Variants in PDGFRL observed in about 807,000 individuals in gnomAD.
PDGFRL encodes platelet derived growth factor receptor like.
In PDGFRL, 46 loss-of-function variants were observed where a neutral mutation model predicts 37.2. The observed-to-expected ratio is 1.24, with a 90% CI of 0.98 to 1.58. PDGFRL has a LOEUF of 1.58. PDGFRL is among the 40% of genes most tolerant of loss of function. The probability of loss-of-function intolerance (pLI) is 0.00; values close to 1 mark genes in which losing one functional copy is unlikely to be tolerated. For synonymous variants in PDGFRL, 251 were observed against 184.3 expected, an observed-to-expected ratio of 1.36 and a Z score of -2.93; for missense variants, 692 against 467.6, an observed-to-expected ratio of 1.48 and a Z score of -4.43.
At chr8:17,642,402 T>C (rs1229135096) in intron 5 of PDGFRL, among the ~76,000 whole-genome samples, 1 of 152,220 alleles carries the variant, frequency 6.6e-6, no homozygotes, top group East Asian at 1.9e-4. Context: ...CCAAACAACG[T>C]AATGAAATTC....
intron 4 of PDGFRL, among the ~76,000 whole-genome samples, chr8:17,633,839 G>A (rs1563530181): frequency 6.6e-6 from 1 of 152,060 alleles, no homozygotes; most frequent in Non-Finnish European, 1.5e-5. Context: ...TCACAGTCTT[G>A]GAGGCTGTCC....
intron 2 of PDGFRL, among the ~76,000 whole-genome samples, chr8:17,615,397 C>A (rs1804502435): frequency 6.6e-6 from 1 of 152,082 alleles, no homozygotes; most frequent in Admixed American, 6.6e-5. Context: ...TGCTTCATTT[C>A]ATTTCATTTC....
At chr8:17,623,923 T>C (rs1273092667) in intron 3 of PDGFRL, among the ~76,000 whole-genome samples, 2 of 151,362 alleles carry the variant, frequency 1.3e-5, no homozygotes, top group Non-Finnish European at 2.9e-5. Context: ...GGAACCTTTT[T>C]GTTTTTTTTT....
intron 2 of PDGFRL, among the ~76,000 whole-genome samples, chr8:17,592,717 G>C (rs28441421): frequency 2.6e-5 from 4 of 151,890 alleles, no homozygotes; most frequent in African/African-American, 9.7e-5. Flanking sequence ...CCCATGGCAG[G>C]CCCCCCCAGC....
chr8:17,596,107 TTACCCTTGCTGGG>T (rs3837209), intron 2 of PDGFRL, among the ~76,000 whole-genome samples: 66 of 151,882 alleles, frequency 4.3e-4, no homozygotes, highest in Middle Eastern at 6.8e-3. Flanking sequence ...AGCCCCAGAG[TTACCCTTGCTGGG>T]TACCCTTGCT....
rs561562223 is a variant in PDGFRL, at chr8:17,613,850, C to A, written c.354-7201C>A. Among the ~76,000 whole-genome samples the A allele has an allele frequency of 1.5e-4, 23 of 152,142 alleles. No homozygotes were observed. In the East Asian group the frequency reaches 4.4e-3, roughly 29 times the overall value. ...CTCCAGCCTGGGTAACAGAGTGAGACCCCATCTCAAAAAAGAAAAGCTACC... is the reference window on the plus strand; with the variant it reads ...CTCCAGCCTGGGTAACAGAGTGAGAACCCATCTCAAAAAAGAAAAGCTACC... On this transcript the variant is annotated intron_variant, in intron 2 of 5. Transcript: ENST00000251630.
chr8:17,610,816 C>T (rs1456403650), intron 2 of PDGFRL, among the ~76,000 whole-genome samples: 4 of 152,034 alleles, frequency 2.6e-5, no homozygotes, highest in Admixed American at 6.6e-5. Flanking sequence ...GAGGCTGAGG[C>T]GGGAGATTCC....
At chr8:17,642,485 T>C in intron 5 of PDGFRL, 128 bp from the exon 6 acceptor site, 1 of 667,814 alleles carries the variant, frequency 1.5e-6, no homozygotes, top group South Asian at 1.7e-5. Flanking sequence ...GAGCTACGCA[T>C]ACTAAACAGT....
At chr8:17,616,361 AT>A (rs1804528309) in intron 2 of PDGFRL, among the ~76,000 whole-genome samples, 2 of 151,790 alleles carry the variant, frequency 1.3e-5, no homozygotes, top group South Asian at 4.2e-4. Flanking sequence ...CGCCCAGCTA[AT>A]TTTTGTATTT....
At chr8:17,638,838 G>C (rs9644587) in intron 5 of PDGFRL, among the ~76,000 whole-genome samples, 111,022 of 136,622 alleles carry the variant, frequency 0.81, 46,528 homozygotes, top group Non-Finnish European at 0.91. Context: ...CATAATGTCC[G>C]TCTTTCTCTT....
chr8:17,618,030 TC>T (rs1482609494), intron 2 of PDGFRL, among the ~76,000 whole-genome samples: 1 of 152,024 alleles, frequency 6.6e-6, no homozygotes, highest in African/African-American at 2.4e-5. Flanking sequence ...TCTAGCTTCA[TC>T]CTTAAAACTA....
At chr8:17,602,691 C>G (rs530069288) in intron 2 of PDGFRL, among the ~76,000 whole-genome samples, 1 of 152,170 alleles carries the variant, frequency 6.6e-6, no homozygotes, top group East Asian at 1.9e-4. Context: ...AAGGAGAGCT[C>G]TGTTGGAAGA....
At chr8:17,589,814 T>C in intron 2 of PDGFRL, 49 bp downstream of exon 2, 1 of 1,096,412 alleles carries the variant, frequency 9.1e-7, no homozygotes, top group Non-Finnish European at 1.3e-6. Context: ...TTGTAATAGT[T>C]AACAAAATTC....
chr8:17,638,015 T>G (rs1805007362), intron 5 of PDGFRL, among the ~76,000 whole-genome samples: 1 of 152,200 alleles, frequency 6.6e-6, no homozygotes, highest in South Asian at 2.1e-4. Flanking sequence ...AGCTTTTTGT[T>G]TATCTTTTGT....
intron 1 of PDGFRL, among the ~76,000 whole-genome samples, chr8:17,589,047 G>A (rs140681375): frequency 6.6e-6 from 1 of 152,050 alleles, no homozygotes; most frequent in Non-Finnish European, 1.5e-5. Context: ...CATATGAGGA[G>A]GGGAGGATTA....
intron 2 of PDGFRL, among the ~76,000 whole-genome samples, chr8:17,613,251 G>T (rs2129728333): frequency 6.6e-6 from 1 of 152,320 alleles, no homozygotes; most frequent in Non-Finnish European, 1.5e-5. Flanking sequence ...GATCGCTGGT[G>T]TGTCAGGTAT....
intron 3 of PDGFRL, among the ~76,000 whole-genome samples, chr8:17,627,229 A>T (rs1450560383): frequency 2.0e-5 from 3 of 152,254 alleles, no homozygotes; most frequent in African/African-American, 7.2e-5. Flanking sequence ...ACTTACAATC[A>T]TAAAATCACA....
intron 2 of PDGFRL, among the ~76,000 whole-genome samples, chr8:17,598,280 C>T (rs762301150): frequency 6.6e-6 from 1 of 152,192 alleles, no homozygotes; most frequent in Non-Finnish European, 1.5e-5. Context: ...ACCCAGTTGC[C>T]TTATCTGGAA....
At chr8:17,635,784 G>C (rs192390670) in intron 5 of PDGFRL, among the ~76,000 whole-genome samples, 1 of 151,994 alleles carries the variant, frequency 6.6e-6, no homozygotes, top group Admixed American at 6.6e-5. Context: ...TGCCAACATC[G>C]ATTATTTTTT....
Sources: gnomAD v4.1 joint callset for allele counts (sites outside exome capture counted in the v4.1 genomes callset) on GRCh38, gnomAD v4.1.1 for gene constraint, MANE v1.5 for transcripts, NCBI Gene and HGNC (gene_info 2026-07-23, HGNC 2026-07-21) for gene names.